KATNAL1: variants seen among roughly 807,000 people sequenced by gnomAD.
KATNAL1 encodes katanin catalytic subunit A1 like 1.
KATNAL1 carries 32 observed loss-of-function variants against 55.2 expected under a neutral mutation model. The observed-to-expected ratio is 0.58, with a 90% CI of 0.44 to 0.78. The LOEUF (loss-of-function observed/expected upper bound fraction) is 0.78. KATNAL1 is among the 30% of genes least tolerant of loss of function. The pLI is 0.00. For synonymous variants in KATNAL1, 193 were observed against 193.6 expected (o/e 1.00, Z 0.02); for missense variants, 466 against 600.9 (o/e 0.78, Z 2.35).
At chr13:30,238,813 C>T (rs7330252) in intron 6 of KATNAL1, among the ~76,000 whole-genome samples, 2,012 of 152,236 alleles carry the variant, frequency 0.013, 35 homozygotes, top group African/African-American at 0.045. Flanking sequence ...CTGTTTATAA[C>T]AGGGCTAAAT....
chr13:30,246,311 T>C (rs12864751), intron 4 of KATNAL1, among the ~76,000 whole-genome samples: 1 of 152,220 alleles, frequency 6.6e-6, no homozygotes, highest in Admixed American at 6.5e-5. Flanking sequence ...CCCTATTTAA[T>C]AGACGGTGTT....
chr13:30,280,007 C>T, intron 3 of KATNAL1, 56 bp downstream of exon 3: 1 of 1,456,086 alleles, frequency 6.9e-7, no homozygotes, highest in Non-Finnish European at 9.3e-7. Context: ...AAACATGCTT[C>T]ACTGTGAACA....
chr13:30,304,154 T>C (rs536539754), intron 1 of KATNAL1, among the ~76,000 whole-genome samples: 19 of 152,184 alleles, frequency 1.2e-4, no homozygotes, highest in Non-Finnish European at 2.6e-4. Flanking sequence ...GACAACTTAC[T>C]TTCTTTCCTT....
intron 1 of KATNAL1, chr13:30,296,563 C>A: frequency 1.4e-6 from 1 of 734,020 alleles, no homozygotes; most frequent in Admixed American, 1.8e-5. Flanking sequence ...TGCCAGATCA[C>A]TGTTAATGAT....
intron 2 of KATNAL1, among the ~76,000 whole-genome samples, chr13:30,283,232 ACTCCG>A (rs1881521213): frequency 8.1e-6 from 1 of 123,194 alleles, no homozygotes; most frequent in African/African-American, 3.2e-5. Context: ...GCGCCACTGC[ACTCCG>A]GCCTGGGCGA....
intron 3 of KATNAL1, among the ~76,000 whole-genome samples, chr13:30,257,509 A>T (rs899535777): frequency 6.6e-6 from 1 of 152,148 alleles, no homozygotes; most frequent in Non-Finnish European, 1.5e-5. Context: ...GCTTGCTGTG[A>T]CCTCACTGCT....
rs748668349 is a variant in KATNAL1, at chr13:30,206,597, TCTAA to T, written c.*1939_*1942del. On this transcript the variant is annotated 3_prime_UTR_variant, in exon 11 of 11. Transcript: ENST00000380615. ...TAATCAATACAAAACCCAGAAAAGG[TCTAA>T]CTAATCAACTATTGTTAGGCTGGTG... The T allele has an allele frequency of 2.0e-5, 3 of 151,766 alleles. No individual in the cohort carries two copies. Among genetic ancestry groups the T allele is most frequent in the Admixed American group, 6.6e-5 (1 of 15,246 alleles). The allele number at this position is 151,766 out of a possible 1,614,324, so 9.4% of individuals were successfully genotyped here. A position where few individuals can be genotyped will look rare whatever the true frequency, so the allele number is the denominator to read the frequency against.
intron 6 of KATNAL1, among the ~76,000 whole-genome samples, chr13:30,235,596 C>T (rs746952977): frequency 2.6e-5 from 4 of 152,220 alleles, no homozygotes; most frequent in African/African-American, 4.8e-5. Flanking sequence ...CCATGTGATG[C>T]AACAATCTCC....
chr13:30,262,331 A>G (rs1036914658), intron 3 of KATNAL1, among the ~76,000 whole-genome samples: 4 of 152,148 alleles, frequency 2.6e-5, no homozygotes, highest in Non-Finnish European at 5.9e-5. Context: ...GAGCAAACAC[A>G]TTCAAAAGCC....
At chr13:30,300,529 A>G (rs1318744652) in intron 1 of KATNAL1, among the ~76,000 whole-genome samples, 1 of 151,640 alleles carries the variant, frequency 6.6e-6, no homozygotes, top group Non-Finnish European at 1.5e-5. Context: ...ATGAAAAAAA[A>G]AAAAGTTTCT....
Position 30,208,766 on chromosome 13 carries a change from G to C in KATNAL1, c.1275-28C>G, listed in dbSNP as rs757549660. 8 of 1,502,260 alleles carry C rather than the reference G, an allele frequency of 5.3e-6. No homozygotes were observed. The South Asian group carries it at 1.0e-4, about 19-fold the overall frequency. 93.1% of individuals were successfully genotyped at this position (1,502,260 alleles called of 1,614,324 possible). A position where few individuals can be genotyped will look rare whatever the true frequency, so the allele number is the denominator to read the frequency against. ...AAAAATATACCAAAATCAGTCAACA[G>C]TAATTTTTGCACATGTTTTAAACAC... On this transcript the variant is annotated intron_variant, in intron 10 of 10. Coordinates refer to ENST00000380615, the MANE Select transcript of KATNAL1 (RefSeq NM_032116.5).
chr13:30,241,354 A>C (rs1236607727), intron 4 of KATNAL1, among the ~76,000 whole-genome samples: 1 of 152,156 alleles, frequency 6.6e-6, no homozygotes, highest in Non-Finnish European at 1.5e-5. Flanking sequence ...CTAGATCCCA[A>C]AAGACTGGGA....
intron 8 of KATNAL1, among the ~76,000 whole-genome samples, chr13:30,228,436 G>A (rs1044531827): frequency 4.0e-5 from 6 of 151,832 alleles, no homozygotes; most frequent in African/African-American, 9.7e-5. Context: ...CTCCTACTTC[G>A]GTCATTATGA....
Position 30,230,553 on chromosome 13 carries a change from T to C in KATNAL1, c.927A>G (p.Ile309Met). 1 of 1,612,028 alleles carries C rather than the reference T, an allele frequency of 6.2e-7. No individual in the cohort carries two copies. Among genetic ancestry groups the C allele is most frequent in the South Asian group, 1.1e-5 (1 of 90,964 alleles). ...YAPTTIFIDEIDSICSRRGTS... is the reference protein window; with the variant it reads ...YAPTTIFIDEMDSICSRRGTS... ...TTCCTCTTCGACTGCAGATAGAATC[T>C]ATCTCATCAATGAAGATCGTGGTAG... Residue 309 changes from isoleucine to methionine, a missense_variant, in exon 8 of 11, where the codon ATA becomes ATG. By Grantham distance (10) the Ile-to-Met change is conservative. This residue lies in a region of KATNAL1 where 213 missense variants were observed against 308.6 expected (regional missense o/e 0.69). Transcript: ENST00000380615.
At position 30,231,479 on chromosome 13, in the gene KATNAL1, T is replaced by G; in HGVS notation, c.727-7A>C. 6.7e-7 allele frequency: 1 copy of G among 1,496,468 alleles called. No homozygotes were observed. Among genetic ancestry groups the G allele is most frequent in the Non-Finnish European group, 8.9e-7 (1 of 1,120,736 alleles). The allele number at this position is 1,496,468 out of a possible 1,614,324, so 92.7% of individuals were successfully genotyped here. On this transcript the variant is annotated splice_polypyrimidine_tract_variant and splice_region_variant and intron_variant, in intron 6 of 10. Coordinates refer to ENST00000380615, the MANE Select transcript of KATNAL1 (RefSeq NM_032116.5). ...GTCCAACCATCAGTACACCCTGAAA[T>G]TTCAAAAGACAAATTAAATGATTTA...
At chr13:30,278,086 T>G (rs1593935858) in intron 3 of KATNAL1, among the ~76,000 whole-genome samples, 1 of 151,714 alleles carries the variant, frequency 6.6e-6, no homozygotes, top group Non-Finnish European at 1.5e-5. Context: ...ATAGAAACTT[T>G]ATTCATAAAG....
At chr13:30,305,289 C>T (rs1437630725) in intron 1 of KATNAL1, among the ~76,000 whole-genome samples, 1 of 152,340 alleles carries the variant, frequency 6.6e-6, no homozygotes. Flanking sequence ...AACTACCTAG[C>T]GTTTCCCAAA....
intron 8 of KATNAL1, 113 bp downstream of exon 8, chr13:30,230,355 G>A (rs1479897282): frequency 1.1e-6 from 1 of 886,756 alleles, no homozygotes. Context: ...AAATAAATGG[G>A]TGAATGAACA....
At chr13:30,260,189 C>A (rs1427218491) in intron 3 of KATNAL1, among the ~76,000 whole-genome samples, 2 of 152,166 alleles carry the variant, frequency 1.3e-5, no homozygotes, top group Non-Finnish European at 2.9e-5. Context: ...AACTAACAAA[C>A]AGAAAGGACA....
Sources: allele counts gnomAD v4.1 joint callset (sites outside exome capture counted in the v4.1 genomes callset), GRCh38; gene constraint gnomAD v4.1.1; regional missense constraint gnomAD v4.1.1; transcripts MANE v1.5; gene names NCBI Gene and HGNC (gene_info 2026-07-23, HGNC 2026-07-21).